Variants in PPARGC1A observed in about 807,000 individuals in gnomAD.
The protein encoded by PPARGC1A is PPARG coactivator 1 alpha, also known as peroxisome proliferator-activated receptor gamma coactivator 1-alpha.
In PPARGC1A, 25 loss-of-function variants were observed where a neutral mutation model predicts 88.7. The ratio of observed to expected loss-of-function variants is 0.28; its 90% CI spans 0.21 to 0.39. The LOEUF is 0.39. Among genes scored for constraint, PPARGC1A ranks in the 10% least tolerant of loss-of-function variants. The probability of loss-of-function intolerance (pLI) is 1.00; values close to 1 mark genes in which losing one functional copy is unlikely to be tolerated. For missense variants in PPARGC1A, 880 were observed against 968.7 expected (o/e 0.91, Z 1.22); for synonymous variants, 363 against 355.6 (o/e 1.02, Z -0.24).
the PPARGC1A span, among the ~76,000 whole-genome samples, chr4:24,414,890 C>T: frequency 2.8e-4 from 42 of 152,164 alleles, no homozygotes; most frequent in Middle Eastern, 3.4e-3. Flanking sequence ...TGAGGCTGAC[C>T]TTGATGATGA....
the PPARGC1A span, among the ~76,000 whole-genome samples, chr4:24,042,934 C>T: frequency 6.6e-6 from 1 of 152,154 alleles, no homozygotes. Context: ...TCTTTGTTAA[C>T]AAAGATCTCC....
intron 1 of PPARGC1A, among the ~76,000 whole-genome samples, 175 bp downstream of exon 1, chr4:23,889,729 C>T (rs1717520669): frequency 6.6e-6 from 1 of 152,152 alleles, no homozygotes; most frequent in African/African-American, 2.4e-5. Context: ...TCAGAGCCAC[C>T]TTAAAATAGC....
At chr4:24,108,783 G>A in the PPARGC1A span, among the ~76,000 whole-genome samples, 1 of 151,954 alleles carries the variant, frequency 6.6e-6, no homozygotes, top group African/African-American at 2.4e-5. Flanking sequence ...GAGTTCCCAA[G>A]GTTCACTGAA....
intron 2 of PPARGC1A, among the ~76,000 whole-genome samples, chr4:23,877,199 G>A (rs998729306): frequency 1.3e-5 from 2 of 151,740 alleles, no homozygotes; most frequent in East Asian, 1.9e-4. Context: ...GCTTTCAAAC[G>A]TACCTCTGAG....
the PPARGC1A span, among the ~76,000 whole-genome samples, chr4:24,269,621 T>C: frequency 1.3e-5 from 2 of 152,018 alleles, no homozygotes; most frequent in African/African-American, 4.8e-5. Flanking sequence ...TAGCATGTAG[T>C]CTTTAATCAC....
the PPARGC1A span, among the ~76,000 whole-genome samples, chr4:24,101,906 C>T: frequency 6.7e-6 from 1 of 149,730 alleles, no homozygotes; most frequent in Admixed American, 6.6e-5. Context: ...CATCCACGCC[C>T]TCATGGTCTT....
the PPARGC1A span, among the ~76,000 whole-genome samples, chr4:24,254,802 T>G: frequency 2.0e-5 from 3 of 152,338 alleles, no homozygotes; most frequent in Middle Eastern, 6.8e-3. Context: ...ATTATCTCAT[T>G]GTATTAACAA....
chr4:24,350,294 G>A, the PPARGC1A span, among the ~76,000 whole-genome samples: 86 of 152,244 alleles, frequency 5.6e-4, no homozygotes, highest in African/African-American at 2.0e-3. Flanking sequence ...CATGAGCCAC[G>A]GCGCCCCCTG....
At chr4:24,400,504 T>C in the PPARGC1A span, among the ~76,000 whole-genome samples, 1 of 152,184 alleles carries the variant, frequency 6.6e-6, no homozygotes, top group East Asian at 1.9e-4. Flanking sequence ...CTTGTAATTG[T>C]CTAAGTTAAT....
At chr4:23,840,121 G>A (rs1053256662) in intron 2 of PPARGC1A, among the ~76,000 whole-genome samples, 1 of 152,018 alleles carries the variant, frequency 6.6e-6, no homozygotes, top group African/African-American at 2.4e-5. Context: ...CAAACCCTCC[G>A]TGGCTTCTCA....
the PPARGC1A span, among the ~76,000 whole-genome samples, chr4:24,294,053 C>A: frequency 1.3e-5 from 2 of 152,132 alleles, no homozygotes; most frequent in African/African-American, 4.8e-5. Context: ...TCAGAGAGCT[C>A]AATAACTTGT....
At chr4:24,249,184 A>G in the PPARGC1A span, among the ~76,000 whole-genome samples, 1 of 152,268 alleles carries the variant, frequency 6.6e-6, no homozygotes, top group African/African-American at 2.4e-5. Flanking sequence ...CTATATCCTG[A>G]ACTAAATCCC....
the PPARGC1A span, among the ~76,000 whole-genome samples, chr4:24,275,913 C>T: frequency 6.6e-6 from 1 of 152,172 alleles, no homozygotes; most frequent in Non-Finnish European, 1.5e-5. Flanking sequence ...TACGAAGTTT[C>T]ATACTGATTT....
At chr4:24,050,511 A>C in the PPARGC1A span, among the ~76,000 whole-genome samples, 1 of 151,766 alleles carries the variant, frequency 6.6e-6, no homozygotes, top group South Asian at 2.1e-4. Context: ...GTGACTTTCT[A>C]ACTCTCCCAC....
the PPARGC1A span, among the ~76,000 whole-genome samples, chr4:24,113,941 T>C: frequency 9.9e-5 from 15 of 151,950 alleles, no homozygotes; most frequent in Admixed American, 7.2e-4. Flanking sequence ...CTGGCCAATA[T>C]GGCAAAACGC....
chr4:24,451,760 T>G, the PPARGC1A span, among the ~76,000 whole-genome samples: 1 of 152,124 alleles, frequency 6.6e-6, no homozygotes, highest in Non-Finnish European at 1.5e-5. Flanking sequence ...GTATTTTTAG[T>G]AGAGATGGGG....
the PPARGC1A span, among the ~76,000 whole-genome samples, chr4:24,461,610 C>CGT: frequency 9.9e-4 from 148 of 150,250 alleles, no homozygotes; most frequent in Middle Eastern, 0.017. Context: ...TCGTGTCTAT[C>CGT]GTGTGTGTGT....
chr4:24,093,807 T>G, the PPARGC1A span, among the ~76,000 whole-genome samples: 1 of 152,164 alleles, frequency 6.6e-6, no homozygotes, highest in Non-Finnish European at 1.5e-5. Context: ...GCTCCATTAT[T>G]TTCTAACTCT....
chr4:23,997,010 G>A, the PPARGC1A span, among the ~76,000 whole-genome samples: 1 of 152,186 alleles, frequency 6.6e-6, no homozygotes, highest in Non-Finnish European at 1.5e-5. Flanking sequence ...TAGGAAAGAT[G>A]CTATGATCAA....
Sources: gnomAD v4.1 joint callset for allele counts (sites outside exome capture counted in the v4.1 genomes callset) on GRCh38, gnomAD v4.1.1 for gene constraint, MANE v1.5 for transcripts, NCBI Gene and HGNC (gene_info 2026-07-23, HGNC 2026-07-21) for gene names.